The following ASTN2 variants were observed in gnomAD, a reference collection of about 807,000 sequenced individuals.
ASTN2 encodes the protein astrotactin 2.
Under a neutral mutation model 139.8 loss-of-function variants are expected in ASTN2, and 54 were observed. The observed-to-expected ratio is 0.39, with a 90% CI of 0.31 to 0.48. The LOEUF is 0.48. Among genes scored for constraint, ASTN2 ranks in the 20% least tolerant of loss-of-function variants. The pLI is 0.95. For missense variants in ASTN2, 1,565 were observed against 1,725.1 expected, an observed-to-expected ratio of 0.91 and a Z score of 1.64; for synonymous variants, 756 against 719.5, an observed-to-expected ratio of 1.05 and a Z score of -0.81.
intron 19 of ASTN2, among the ~76,000 whole-genome samples, chr9:116,536,015 G>A (rs930393338): frequency 3.9e-5 from 6 of 152,028 alleles, no homozygotes; most frequent in East Asian, 1.9e-4. Context: ...GGTTTGGTCT[G>A]TTCACATAGT....
chr9:116,906,418 G>A lies in ASTN2; in HGVS notation c.1890-42685C>T, dbSNP rs569608328. On this transcript the variant is annotated intron_variant, in intron 10 of 22. Coordinates refer to ENST00000313400, the MANE Select transcript of ASTN2 (RefSeq NM_001365068.1). ...GAAAGCAAAGCTGTGCTTTTCGGGAGAAGCAGGATGGGAGTGGGGAACTGA... is the reference window on the plus strand; with the variant it reads ...GAAAGCAAAGCTGTGCTTTTCGGGAAAAGCAGGATGGGAGTGGGGAACTGA... Among the ~76,000 whole-genome samples, 20 of 150,256 alleles carry A rather than the reference G, an allele frequency of 1.3e-4. No individual in the cohort carries two copies. In the Admixed American group the frequency reaches 1.3e-3, roughly 10 times the overall value.
intron 3 of ASTN2, among the ~76,000 whole-genome samples, chr9:117,190,501 T>C (rs962294296): frequency 6.6e-6 from 1 of 152,140 alleles, no homozygotes. Context: ...TTCCAATGGC[T>C]TTTCATGTCA....
At chr9:117,217,131 G>A (rs1434772888) in intron 2 of ASTN2, among the ~76,000 whole-genome samples, 1 of 152,150 alleles carries the variant, frequency 6.6e-6, no homozygotes, top group African/African-American at 2.4e-5. Context: ...AGGGGAGGAG[G>A]AGGAAAGATG....
At chr9:117,333,249 C>T (rs1440676415) in intron 1 of ASTN2, among the ~76,000 whole-genome samples, 1 of 152,152 alleles carries the variant, frequency 6.6e-6, no homozygotes, top group Non-Finnish European at 1.5e-5. Context: ...TGTGCCACCT[C>T]ATTGAATGTT....
intron 16 of ASTN2, among the ~76,000 whole-genome samples, chr9:116,667,045 T>G (rs1276030243): frequency 7.1e-6 from 1 of 141,210 alleles, no homozygotes; most frequent in African/African-American, 2.6e-5. Context: ...AACTTCTGCC[T>G]CCTGTGTTCA....
chr9:116,894,493 G>T (rs963323194), intron 10 of ASTN2, among the ~76,000 whole-genome samples: 2 of 152,082 alleles, frequency 1.3e-5, no homozygotes, highest in African/African-American at 4.8e-5. Flanking sequence ...AATTTTATTT[G>T]TTTATTTAGT....
At chr9:116,963,794 G>A (rs1475087995) in intron 10 of ASTN2, among the ~76,000 whole-genome samples, 1 of 152,150 alleles carries the variant, frequency 6.6e-6, no homozygotes, top group Non-Finnish European at 1.5e-5. Flanking sequence ...TTCTCACTGG[G>A]TTCAGCCAAT....
At chr9:116,509,333 T>C (rs1564329166) in intron 19 of ASTN2, among the ~76,000 whole-genome samples, 2 of 152,230 alleles carry the variant, frequency 1.3e-5, no homozygotes, top group South Asian at 2.1e-4. Context: ...ACAAAGGACA[T>C]GAACTCATCC....
At chr9:117,334,970 G>A (rs1464259991) in intron 1 of ASTN2, among the ~76,000 whole-genome samples, 1 of 152,186 alleles carries the variant, frequency 6.6e-6, no homozygotes, top group East Asian at 1.9e-4. Context: ...CATGAGAATA[G>A]CTTGAACCCG....
intron 1 of ASTN2, among the ~76,000 whole-genome samples, chr9:117,347,488 T>C (rs1415310431): frequency 6.6e-6 from 1 of 151,960 alleles, no homozygotes; most frequent in Non-Finnish European, 1.5e-5. Flanking sequence ...GTAGGTCTTA[T>C]CATTAACCTC....
intron 19 of ASTN2, chr9:116,562,121 T>C (rs1373409052): frequency 6.6e-6 from 1 of 152,222 alleles, no homozygotes; most frequent in Non-Finnish European, 1.5e-5. Context: ...CAACAAATTT[T>C]CAGTCAGTAT....
At chr9:117,284,600 G>A (rs1443288937) in intron 2 of ASTN2, among the ~76,000 whole-genome samples, 3 of 152,268 alleles carry the variant, frequency 2.0e-5, no homozygotes, top group East Asian at 1.9e-4. Context: ...TTAAACTTCC[G>A]GCCTCCAGGA....
chr9:117,389,989 G>T (rs559039856), intron 1 of ASTN2, among the ~76,000 whole-genome samples: 1 of 152,292 alleles, frequency 6.6e-6, no homozygotes, highest in East Asian at 1.9e-4. Flanking sequence ...TGCACCATGA[G>T]TGAAGGTGGA....
chr9:116,545,171 T>C (rs1318381687), intron 19 of ASTN2, among the ~76,000 whole-genome samples: 1 of 152,318 alleles, frequency 6.6e-6, no homozygotes, highest in East Asian at 1.9e-4. Flanking sequence ...AGACTTGGCA[T>C]GGGGGTCCGC....
At chr9:117,143,158 C>T (rs16934343) in intron 3 of ASTN2, among the ~76,000 whole-genome samples, 6,957 of 152,210 alleles carry the variant, frequency 0.046, 268 homozygotes, top group African/African-American at 0.1. Flanking sequence ...GGTATGATTG[C>T]TAAGGTAAAA....
chr9:117,066,175 C>A (rs1257327114), intron 5 of ASTN2, among the ~76,000 whole-genome samples: 4 of 108,660 alleles, frequency 3.7e-5, no homozygotes, highest in South Asian at 8.5e-4. Flanking sequence ...CCCCTCCCCC[C>A]ACCCCACCAC....
At chr9:116,506,764 C>A (rs1564326942) in intron 19 of ASTN2, among the ~76,000 whole-genome samples, 1 of 152,138 alleles carries the variant, frequency 6.6e-6, no homozygotes, top group Non-Finnish European at 1.5e-5. Flanking sequence ...ACTTCACCGC[C>A]CAGAGGTTTC....
At chr9:116,632,381 G>A (rs1236964068) in intron 17 of ASTN2, among the ~76,000 whole-genome samples, 1 of 150,524 alleles carries the variant, frequency 6.6e-6, no homozygotes, top group African/African-American at 2.4e-5. Flanking sequence ...GATTGCTTGA[G>A]GCCAGGAATT....
chr9:116,934,813 GCAT>G (rs1368463220), intron 10 of ASTN2, among the ~76,000 whole-genome samples: 6 of 152,128 alleles, frequency 3.9e-5, no homozygotes, highest in Non-Finnish European at 2.9e-5. Context: ...ACTGTCTGAG[GCAT>G]GGCACAGACA....
Sources: gnomAD v4.1 joint callset for allele counts (sites outside exome capture counted in the v4.1 genomes callset) on GRCh38, gnomAD v4.1.1 for gene constraint, MANE v1.5 for transcripts, NCBI Gene and HGNC (gene_info 2026-07-23, HGNC 2026-07-21) for gene names.